Variants in TBC1D10A observed in about 807,000 individuals in gnomAD.
TBC1D10A encodes the protein TBC1 domain family member 10A.
TBC1D10A carries 24 observed loss-of-function variants against 52.9 expected under a neutral mutation model. The ratio of observed to expected loss-of-function variants is 0.45; its 90% CI spans 0.33 to 0.64. The LOEUF is 0.64. TBC1D10A is among the 30% of genes least tolerant of loss of function. The pLI is 0.02. For missense variants in TBC1D10A, 602 were observed against 687.9 expected, an observed-to-expected ratio of 0.88 and a Z score of 1.40; for synonymous variants, 278 against 282.9, an observed-to-expected ratio of 0.98 and a Z score of 0.17.
At position 30,326,932 on chromosome 22, in the gene TBC1D10A, T is replaced by A. The variant is rs569367743; in HGVS notation, c.-51A>T. On this transcript the variant is annotated 5_prime_UTR_variant, in exon 1 of 9. Coordinates refer to ENST00000215790, the MANE Select transcript of TBC1D10A (RefSeq NM_031937.3). ...CCAGCGGCCACCTCAGCCGCCCTGC[T>A]GCCGCCGACGCCCCGCCCACGCGCG... is the stretch of plus-strand genomic sequence containing the variant. 75 of 1,364,802 alleles carry A rather than the reference T, an allele frequency of 5.5e-5. No individual in the cohort carries two copies. The highest frequency in any genetic ancestry group is 2.7e-4 in the Middle Eastern group (1 of 3,756). 84.5% of individuals were successfully genotyped at this position (1,364,802 alleles called of 1,614,324 possible). A position where few individuals can be genotyped will look rare whatever the true frequency, so the allele number is the denominator to read the frequency against.
In TBC1D10A at chr22:30,315,179, C is replaced by T. The variant is rs185986772; in HGVS notation, c.210-10549G>A. ...CTGGCTCCTGCCTAACCTCCACGGT[C>T]GTGGGGTAGGTTGGAAGAGCACGTG... On this transcript the variant is annotated intron_variant, in intron 1 of 8. Transcript: ENST00000215790. 3.2e-3 allele frequency among the ~76,000 whole-genome samples: 494 copies of T among 152,276 alleles called. 3 individuals carry two copies. Among genetic ancestry groups the T allele is most frequent in the Non-Finnish European group, 5.4e-3 (364 of 68,030 alleles).
At chr22:30,317,123 T>A (rs977076421) in intron 1 of TBC1D10A, among the ~76,000 whole-genome samples, 1 of 151,640 alleles carries the variant, frequency 6.6e-6, no homozygotes, top group South Asian at 2.1e-4. Flanking sequence ...ATTAAGCAAC[T>A]TTTGACCGGC....
intron 2 of TBC1D10A, among the ~76,000 whole-genome samples, chr22:30,301,782 G>A (rs1930206364): frequency 6.6e-6 from 1 of 152,222 alleles, no homozygotes; most frequent in South Asian, 2.1e-4. Flanking sequence ...GAGGGTGGTG[G>A]GGGAAGAGTA....
Position 30,292,455 on chromosome 22 carries a change from C to A in TBC1D10A, c.1447G>T (p.Asp483Tyr), listed in dbSNP as rs200929735. The A allele has an allele frequency of 9.4e-6, 15 of 1,603,434 alleles. No homozygotes were observed. The East Asian group carries it at 2.9e-4, about 31-fold the overall frequency. Residue 483 changes from aspartate to tyrosine, a missense_variant, in exon 9 of 9, where the codon GAT becomes TAT. Coordinates refer to ENST00000215790, the MANE Select transcript of TBC1D10A (RefSeq NM_031937.3). ...TGGGCTGAGACCTGGGGAGCCAAAT[C>A]CTGAGGGGCTGAGTCCTTGGGGGCT... The part of the protein sequence containing the change: ...DSAPKDSAPQ[D>Y]LAPQVSAHHR...
intron 1 of TBC1D10A, among the ~76,000 whole-genome samples, chr22:30,321,990 T>A (rs1930662797): frequency 6.6e-6 from 1 of 150,862 alleles, no homozygotes; most frequent in South Asian, 2.1e-4. Flanking sequence ...CTTTTTTTTT[T>A]TTTTTTTCTT....
chr22:30,324,572 G>A (rs1036565741), intron 1 of TBC1D10A, among the ~76,000 whole-genome samples: 1 of 152,184 alleles, frequency 6.6e-6, no homozygotes. Flanking sequence ...TACAGCCAAA[G>A]GGAGGTGCTT....
In TBC1D10A at chr22:30,295,870, C is replaced by T. The variant is rs780171792; in HGVS notation, c.418-27G>A. On this transcript the variant is annotated intron_variant, in intron 3 of 8. Transcript: ENST00000215790. The stretch of plus-strand genomic sequence containing the variant: ...TAGAAGCAAGGGCACAAATTAGGGG[C>T]TGGGGAGGATGGAGGTGGGCTTTGC... 4 of 1,598,188 alleles carry T rather than the reference C, an allele frequency of 2.5e-6. No individual in the cohort carries two copies. In the East Asian group the frequency reaches 9.0e-5, roughly 36 times the overall value.
intron 2 of TBC1D10A, among the ~76,000 whole-genome samples, chr22:30,301,149 G>C (rs547047500): frequency 6.6e-6 from 1 of 152,150 alleles, no homozygotes; most frequent in Non-Finnish European, 1.5e-5. Context: ...ACCCAGCCCC[G>C]TGTACTTTCT....
At chr22:30,295,167 G>GGGCA in intron 4 of TBC1D10A, 112 bp from the exon 5 acceptor site, 1 of 1,044,336 alleles carries the variant, frequency 9.6e-7, no homozygotes, top group Non-Finnish European at 1.4e-6. Flanking sequence ...CCCTTGAGAG[G>GGGCA]GAAGGTGATC....
chr22:30,308,047 C>T lies in TBC1D10A; in HGVS notation c.210-3417G>A, dbSNP rs180710016. ...CTGACCTCAGGCGATCCACCCGCCT[C>T]GGCCTCCTGAAGTGTTGGGATTACA... On this transcript the variant is annotated intron_variant, in intron 1 of 8. Transcript: ENST00000215790. 2.8e-3 allele frequency among the ~76,000 whole-genome samples: 420 copies of T among 152,348 alleles called. 1 individual carries two copies. Among genetic ancestry groups the T allele is most frequent in the African/African-American group, 4.8e-3 (198 of 41,576 alleles).
Position 30,294,993 on chromosome 22 carries a change from C to G in TBC1D10A, c.587G>C (p.Cys196Ser), listed in dbSNP as rs1486600792. ...YTLYRPEEGY[C>S]QAQAPIAAVL... is the part of the protein sequence containing the mutation. Reference sequence around the variant, plus strand: ...AGCGGCAATGGGCGCCTGGGCCTGGCAGTAGCCCTCCTCGGGCCGGTACAG... The same window carrying G: ...AGCGGCAATGGGCGCCTGGGCCTGGGAGTAGCCCTCCTCGGGCCGGTACAG... The change falls in exon 5 of 9, where the codon TGC becomes TCC. Residue 196 changes from cysteine (C) to serine (S), a missense_variant. Cys to Ser is a moderately radical substitution (Grantham distance 112, BLOSUM62 -1). Coordinates refer to ENST00000215790, the MANE Select transcript of TBC1D10A (RefSeq NM_031937.3). 1 of 1,614,108 alleles carries G rather than the reference C, an allele frequency of 6.2e-7. No homozygotes were observed. Among genetic ancestry groups the G allele is most frequent in the South Asian group, 1.1e-5 (1 of 91,092 alleles).
Position 30,292,148 on chromosome 22 carries a change from C to T in TBC1D10A, c.*227G>A, listed in dbSNP as rs1222355559. ...CCCACCCCCCAGGCCCTAGCTTCTG[C>T]CTGCCCTGGCTGGGCCAGCCTGAGT... On this transcript the variant is annotated 3_prime_UTR_variant, in exon 9 of 9. Coordinates refer to ENST00000215790, the MANE Select transcript of TBC1D10A (RefSeq NM_031937.3). The T allele has an allele frequency of 3.8e-5, 17 of 451,626 alleles. No homozygotes were observed. The highest frequency in any genetic ancestry group is 1.9e-4 in the Admixed American group (5 of 26,890). 28.0% of individuals were successfully genotyped at this position (451,626 alleles called of 1,614,324 possible). A position where few individuals can be genotyped will look rare whatever the true frequency, so the allele number is the denominator to read the frequency against.
intron 1 of TBC1D10A, among the ~76,000 whole-genome samples, chr22:30,313,041 TA>T (rs968133255): frequency 2.0e-5 from 3 of 152,144 alleles, no homozygotes; most frequent in Admixed American, 2.0e-4. Context: ...GAGAAAGCTT[TA>T]AAGGGGAATT....
intron 1 of TBC1D10A, among the ~76,000 whole-genome samples, chr22:30,311,451 T>A (rs762602399): frequency 9.2e-5 from 14 of 152,160 alleles, no homozygotes; most frequent in Non-Finnish European, 1.9e-4. Flanking sequence ...CCTGTCTGAG[T>A]GAGAGAGTCT....
intron 1 of TBC1D10A, among the ~76,000 whole-genome samples, chr22:30,314,886 T>C (rs1049021942): frequency 1.3e-5 from 2 of 151,578 alleles, no homozygotes; most frequent in East Asian, 3.9e-4. Context: ...GTGGTAATTA[T>C]TAAGCAAACT....
Position 30,292,443 on chromosome 22 carries a change from G to A in TBC1D10A, c.1459C>T (p.Gln487Ter). ...KDSAPQDLAP[Q>*]VSAHHRSQES... ...TGGGAGCGGTGGTGGGCTGAGACCT[G>A]GGGAGCCAAATCCTGAGGGGCTGAG... Residue 487 changes from glutamine (Q) to a stop codon, truncating the protein, a stop_gained, in exon 9 of 9, where the codon CAG (glutamine) becomes TAG (stop). Transcript: ENST00000215790. LOFTEE classifies it high-confidence loss of function. 6.2e-7 allele frequency: 1 copy of A among 1,601,182 alleles called. No homozygotes were observed. Among genetic ancestry groups the A allele is most frequent in the South Asian group, 1.1e-5 (1 of 89,312 alleles).
At chr22:30,306,915 A>G (rs1569161767) in intron 1 of TBC1D10A, among the ~76,000 whole-genome samples, 1 of 152,236 alleles carries the variant, frequency 6.6e-6, no homozygotes, top group East Asian at 1.9e-4. Flanking sequence ...AAATCAGAAG[A>G]GTCACATATC....
At chr22:30,306,022 T>C (rs1282046538) in intron 1 of TBC1D10A, among the ~76,000 whole-genome samples, 2 of 152,186 alleles carry the variant, frequency 1.3e-5, no homozygotes, top group Non-Finnish European at 2.9e-5. Context: ...TCAGGTAATT[T>C]ACAAAGGGAT....
intron 1 of TBC1D10A, among the ~76,000 whole-genome samples, chr22:30,309,969 C>T (rs1313258158): frequency 6.6e-6 from 1 of 152,212 alleles, no homozygotes; most frequent in East Asian, 1.9e-4. Context: ...CTAAACCCTC[C>T]TCCAAGCCTC....
Sources: allele counts gnomAD v4.1 joint callset (sites outside exome capture counted in the v4.1 genomes callset), GRCh38; gene constraint gnomAD v4.1.1; transcripts MANE v1.5; gene names NCBI Gene and HGNC (gene_info 2026-07-23, HGNC 2026-07-21).